OXR1: variants seen among roughly 807,000 people sequenced by gnomAD.
OXR1 encodes oxidation resistance 1, also known as oxidation resistance protein 1.
OXR1 carries 41 observed loss-of-function variants against 104.6 expected under a neutral mutation model. That is an observed-to-expected ratio of 0.39 (90% CI 0.31 to 0.51). OXR1 has a LOEUF of 0.51. OXR1 is among the 20% of genes least tolerant of loss of function. The probability of loss-of-function intolerance (pLI) is 0.77; values close to 1 mark genes in which losing one functional copy is unlikely to be tolerated. For synonymous variants in OXR1, 348 were observed against 348.4 expected (o/e 1.00, Z 0.01); for missense variants, 955 against 1,031.9 (o/e 0.93, Z 1.02).
chr8:106,548,584 T>C (rs1815556675), intron 3 of OXR1, among the ~76,000 whole-genome samples: 1 of 152,172 alleles, frequency 6.6e-6, no homozygotes, highest in African/African-American at 2.4e-5. Flanking sequence ...CTCCACAAAC[T>C]AATAAGTAAG....
chr8:106,554,460 A>G (rs180953331), intron 3 of OXR1, among the ~76,000 whole-genome samples: 30 of 152,344 alleles, frequency 2.0e-4, no homozygotes, highest in African/African-American at 6.3e-4. Flanking sequence ...TAGAAAATGG[A>G]CATTACTATG....
intron 1 of OXR1, among the ~76,000 whole-genome samples, chr8:106,281,005 C>T (rs2130494852): frequency 6.6e-6 from 1 of 152,224 alleles, no homozygotes; most frequent in East Asian, 1.9e-4. Context: ...TACTGAGACC[C>T]TGCCCTTAGG....
intron 7 of OXR1, among the ~76,000 whole-genome samples, chr8:106,702,414 C>CTAGG (rs1318567060): frequency 6.6e-6 from 1 of 152,062 alleles, no homozygotes; most frequent in Non-Finnish European, 1.5e-5. Flanking sequence ...GGTCACAAAT[C>CTAGG]TAGGTAGTAG....
At chr8:106,644,299 T>C (rs537336306) in intron 3 of OXR1, among the ~76,000 whole-genome samples, 17 of 152,318 alleles carry the variant, frequency 1.1e-4, no homozygotes, top group Admixed American at 2.0e-4. Context: ...CAAGAGACAA[T>C]TGAAAAGCAA....
chr8:106,492,804 T>C (rs934465769), intron 2 of OXR1, among the ~76,000 whole-genome samples: 20 of 152,182 alleles, frequency 1.3e-4, no homozygotes, highest in African/African-American at 4.8e-4. Flanking sequence ...TAGTATATGT[T>C]CCATATTAAT....
intron 2 of OXR1, among the ~76,000 whole-genome samples, chr8:106,436,947 T>G (rs574951513): frequency 6.6e-6 from 1 of 152,274 alleles, no homozygotes; most frequent in East Asian, 1.9e-4. Context: ...AGTGGTACAT[T>G]GTACCTTCCC....
chr8:106,691,028 G>A (rs1295151771), intron 6 of OXR1, among the ~76,000 whole-genome samples: 2 of 151,826 alleles, frequency 1.3e-5, no homozygotes, highest in Non-Finnish European at 2.9e-5. Flanking sequence ...TTCATTTATG[G>A]TAATGGTTTA....
At chr8:106,346,085 A>C (rs927080167) in intron 1 of OXR1, among the ~76,000 whole-genome samples, 2 of 146,432 alleles carry the variant, frequency 1.4e-5, no homozygotes, top group Admixed American at 7.1e-5. Flanking sequence ...ATGGGGTTGC[A>C]GCAGTTTATT....
intron 2 of OXR1, among the ~76,000 whole-genome samples, chr8:106,485,881 C>A (rs1273121667): frequency 1.3e-5 from 2 of 148,312 alleles, no homozygotes; most frequent in African/African-American, 5.0e-5. Context: ...TGCACAGTGT[C>A]ACTGATATGT....
At chr8:106,310,386 C>T (rs1813649239) in intron 1 of OXR1, among the ~76,000 whole-genome samples, 1 of 152,104 alleles carries the variant, frequency 6.6e-6, no homozygotes, top group Non-Finnish European at 1.5e-5. Context: ...TGGTTGTCTG[C>T]CCTCCTGTTC....
chr8:106,733,750 C>G (rs530197760), intron 11 of OXR1, among the ~76,000 whole-genome samples: 1 of 149,630 alleles, frequency 6.7e-6, no homozygotes, highest in East Asian at 2.0e-4. Flanking sequence ...CACTTGAACC[C>G]AGGAGGCAGA....
intron 3 of OXR1, among the ~76,000 whole-genome samples, chr8:106,677,205 G>C (rs1367755095): frequency 1.9e-5 from 1 of 53,420 alleles, no homozygotes; most frequent in African/African-American, 1.1e-4. Flanking sequence ...GCTATTCAAA[G>C]AAATCATTTA....
intron 1 of OXR1, among the ~76,000 whole-genome samples, chr8:106,308,179 G>A (rs1221995309): frequency 6.6e-6 from 1 of 152,142 alleles, no homozygotes; most frequent in Non-Finnish European, 1.5e-5. Flanking sequence ...CCATGGGGCT[G>A]ATGGTGTTAA....
At chr8:106,671,978 A>G (rs1363345310) in intron 3 of OXR1, among the ~76,000 whole-genome samples, 1 of 142,436 alleles carries the variant, frequency 7.0e-6, no homozygotes, top group Non-Finnish European at 1.5e-5. Flanking sequence ...TAATAATAAT[A>G]ATAATAATAA....
At chr8:106,287,528 G>A (rs77008372) in intron 1 of OXR1, among the ~76,000 whole-genome samples, 2,781 of 152,132 alleles carry the variant, frequency 0.018, 79 homozygotes, top group African/African-American at 0.064. Context: ...AGGGAAAAGT[G>A]CAATAAACAC....
At chr8:106,667,594 T>A (rs1252004442) in intron 3 of OXR1, among the ~76,000 whole-genome samples, 1 of 152,146 alleles carries the variant, frequency 6.6e-6, no homozygotes, top group Non-Finnish European at 1.5e-5. Flanking sequence ...CCTTGTGGAA[T>A]AAATAAACTA....
In OXR1 at chr8:106,704,393, C is replaced by CTTTTTTTTT. The variant is rs71307084; in HGVS notation, c.860+1326_860+1334dup. ...TTTTTCTTTTTCTTTCTTTCTTCTT[C>CTTTTTTTTT]TTTTTTTTTTTTTTTTTTTTTTTTT... On this transcript the variant is annotated intron_variant, in intron 8 of 16. Coordinates refer to ENST00000517566, the MANE Select transcript of OXR1 (RefSeq NM_001198533.2). Among the ~76,000 whole-genome samples, 126 of 47,870 alleles carry CTTTTTTTTT rather than the reference C, an allele frequency of 2.6e-3. 1 individual carries two copies. The highest frequency in any genetic ancestry group is 0.017 in the Middle Eastern group (1 of 60). 31.4% of individuals were successfully genotyped at this position (47,870 alleles called of 152,430 possible).
intron 2 of OXR1, among the ~76,000 whole-genome samples, chr8:106,410,225 C>T (rs181151428): frequency 5.8e-4 from 88 of 152,124 alleles, no homozygotes; most frequent in Admixed American, 1.6e-3. Flanking sequence ...TTTTAATATC[C>T]CTTTAAGCAT....
chr8:106,423,968 G>A (rs1397555741), intron 2 of OXR1, among the ~76,000 whole-genome samples: 6 of 151,892 alleles, frequency 4.0e-5, no homozygotes, highest in Non-Finnish European at 8.8e-5. Flanking sequence ...ACAGAGTCTC[G>A]CTGTGTGGCC....
Sources: gnomAD v4.1 joint callset for allele counts (sites outside exome capture counted in the v4.1 genomes callset) on GRCh38, gnomAD v4.1.1 for gene constraint, MANE v1.5 for transcripts, NCBI Gene and HGNC (gene_info 2026-07-23, HGNC 2026-07-21) for gene names.